CACNA1B: variants seen among roughly 807,000 people sequenced by gnomAD.
The protein encoded by CACNA1B is calcium voltage-gated channel subunit alpha1 B, also known as voltage-dependent N-type calcium channel subunit alpha-1B.
A neutral mutation model predicts 247.2 loss-of-function variants in CACNA1B; 70 were observed. The observed-to-expected ratio is 0.28, with a 90% CI of 0.23 to 0.35. The LOEUF is 0.35. Ranked by LOEUF, CACNA1B falls within the 10% of genes least tolerant of loss-of-function variation. The pLI is 1.00. For missense variants in CACNA1B, 2,367 were observed against 3,197.4 expected, an observed-to-expected ratio of 0.74 and a Z score of 6.26; for synonymous variants, 1,231 against 1,294.4, an observed-to-expected ratio of 0.95 and a Z score of 1.05.
intron 43 of CACNA1B, 96 bp from the exon 44 acceptor site, chr9:138,118,541 CTGAGATGGATTTGGG>C: frequency 1.6e-6 from 1 of 613,872 alleles, no homozygotes; most frequent in Non-Finnish European, 2.9e-6. Flanking sequence ...TTAGGTGAGA[CTGAGATGGATTTGGG>C]TGAGACCCCA....
chr9:138,071,978 A>G lies in CACNA1B; in HGVS notation c.4675-1510A>G, dbSNP rs546114227. Among the ~76,000 whole-genome samples, 11 of 152,072 alleles carry G rather than the reference A, an allele frequency of 7.2e-5. No homozygotes were observed. In the East Asian group the frequency reaches 2.1e-3, roughly 29 times the overall value. On this transcript the variant is annotated intron_variant, in intron 32 of 46. Transcript: ENST00000371372. Reference sequence around the variant, plus strand: ...CCTCCACCCCTGCACCCATGTTTCTAAGATGGCTGGCTTCTCTGTGGGTCC... The same window carrying G: ...CCTCCACCCCTGCACCCATGTTTCTGAGATGGCTGGCTTCTCTGTGGGTCC...
At chr9:138,043,723 T>C (rs376861631) in intron 20 of CACNA1B, 51 bp from the exon 21 acceptor site, 2 of 1,607,902 alleles carry the variant, frequency 1.2e-6, no homozygotes, top group African/African-American at 2.7e-5. Flanking sequence ...CCACGCAACG[T>C]GGGCTTCATG....
chr9:137,954,736 T>C lies in CACNA1B; in HGVS notation c.1071-962T>C, dbSNP rs1957923723. The stretch of plus-strand genomic sequence containing the variant: ...CACTGCCTGGGCTGTAGCAGCTCAG[T>C]GCCTAGCGGACACTGGCCCTGCGCC... On this transcript the variant is annotated intron_variant, in intron 7 of 46. Coordinates refer to ENST00000371372, the MANE Select transcript of CACNA1B (RefSeq NM_000718.4). This position sits in a 1 kb window ranked among gnomAD's most constrained non-coding sequence, Gnocchi z 4.1. Among the ~76,000 whole-genome samples the C allele has an allele frequency of 6.6e-6, 1 of 151,898 alleles. No homozygotes were observed. The highest frequency in any genetic ancestry group is 6.6e-5 in the Admixed American group (1 of 15,264).
At chr9:137,984,326 T>A (rs1029267571) in intron 13 of CACNA1B, 76 bp downstream of exon 13, 10 of 1,003,182 alleles carry the variant, frequency 1.0e-5, no homozygotes, top group African/African-American at 1.6e-5. Context: ...AGGGTGCTTG[T>A]CCCCAGGAGT....
At chr9:138,053,759 C>G in intron 25 of CACNA1B, 87 bp from the exon 26 acceptor site, 1 of 959,966 alleles carries the variant, frequency 1.0e-6, no homozygotes, top group Admixed American at 1.8e-5. Flanking sequence ...CTCCACCCCT[C>G]CCCGTGACCC....
At chr9:138,060,814 G>T (rs962971587) in intron 31 of CACNA1B, among the ~76,000 whole-genome samples, 1 of 152,214 alleles carries the variant, frequency 6.6e-6, no homozygotes, top group East Asian at 1.9e-4. Flanking sequence ...GGGAGACAGA[G>T]CGGAGCTCCG....
At position 137,955,717 on chromosome 9, in the gene CACNA1B, G is replaced by A; in HGVS notation, c.1090G>A (p.Glu364Lys). The change falls in exon 8 of 47, where the codon GAG becomes AAG. Residue 364 changes from glutamate (E) to lysine (K), a missense_variant. This residue lies in a region of CACNA1B where 219 missense variants were observed against 297.6 expected (regional missense o/e 0.74). Transcript: ENST00000371372. This position sits in a 1 kb window ranked among gnomAD's most constrained non-coding sequence, Gnocchi z 6.9. Reference protein sequence around the residue: ...VLSGEFAKERERVENRRAFLK... With the variant: ...VLSGEFAKERKRVENRRAFLK... ...TGGTAGGGAGTTTGCCAAGGAGCGA[G>A]AGAGGGTGGAGAACCGCCGCGCCTT... is the stretch of plus-strand genomic sequence containing the variant. 1 of 1,612,610 alleles carries A rather than the reference G, an allele frequency of 6.2e-7. No homozygotes were observed. The highest frequency in any genetic ancestry group is 1.1e-5 in the South Asian group (1 of 90,724).
chr9:137,896,931 A>G (rs534219722), intron 3 of CACNA1B, among the ~76,000 whole-genome samples: 3 of 152,180 alleles, frequency 2.0e-5, no homozygotes, highest in Admixed American at 6.5e-5. Flanking sequence ...GTGTTCCCTC[A>G]TTGTCCTTTT....
intron 6 of CACNA1B, among the ~76,000 whole-genome samples, chr9:137,924,599 T>G (rs550091028): frequency 6.8e-4 from 104 of 152,336 alleles, no homozygotes; most frequent in Admixed American, 1.5e-3. Context: ...ACTGATTCTT[T>G]CCATGTTATT....
chr9:137,955,681 C>T lies in CACNA1B; in HGVS notation c.1071-17C>T, dbSNP rs1370660712. 1.0e-5 allele frequency: 16 copies of T among 1,574,146 alleles called. No homozygotes were observed. In the East Asian group the frequency reaches 1.6e-4, roughly 16 times the overall value. On this transcript the variant is annotated splice_polypyrimidine_tract_variant and intron_variant, in intron 7 of 46. Transcript: ENST00000371372. The surrounding 1 kb of genome is among the most constrained non-coding windows in gnomAD (Gnocchi z 6.9). ...TTGCACTCACCTGATCTTGCTTTTCCGGCCCCTGCATGGTAGGGAGTTTGC... is the reference window on the plus strand; with the variant it reads ...TTGCACTCACCTGATCTTGCTTTTCTGGCCCCTGCATGGTAGGGAGTTTGC...
chr9:137,961,907 G>A (rs1353584954), intron 10 of CACNA1B, among the ~76,000 whole-genome samples: 1 of 152,170 alleles, frequency 6.6e-6, no homozygotes, highest in Non-Finnish European at 1.5e-5. Context: ...ATGAGTTAGG[G>A]AGGAGTCCTT....
At chr9:138,028,886 G>A (rs1958953683) in intron 20 of CACNA1B, among the ~76,000 whole-genome samples, 1 of 152,124 alleles carries the variant, frequency 6.6e-6, no homozygotes, top group Non-Finnish European at 1.5e-5. Context: ...GAGTTAAAAA[G>A]GTGTGGGTTT....
At chr9:137,969,198 C>A (rs1202546731) in intron 10 of CACNA1B, among the ~76,000 whole-genome samples, 1 of 152,234 alleles carries the variant, frequency 6.6e-6, no homozygotes, top group African/African-American at 2.4e-5. Flanking sequence ...GCGTCTGGAT[C>A]AGGAGTCCCT....
In CACNA1B at chr9:138,117,954, A is replaced by G; in HGVS notation, c.5786A>G (p.Gln1929Arg). The change falls in exon 43 of 47, where the codon CAA (glutamine) becomes CGA (arginine). Residue 1929 changes from glutamine (Q) to arginine (R), a missense_variant. Gln to Arg is a conservative substitution (Grantham distance 43). This residue lies in a region of CACNA1B where 773 missense variants were observed against 779.4 expected (regional missense o/e 0.99). Transcript: ENST00000371372. ...TGTCTTCTCTGCCACAGACAAAACC[A>G]AGAGAGTGGCATCAAAGAGTCTGTC... ...SLSNGGAIQN[Q>R]ESGIKESVSW... is the part of the protein sequence containing the mutation. The G allele has an allele frequency of 3.8e-6, 6 of 1,583,004 alleles. No homozygotes were observed. Among genetic ancestry groups the G allele is most frequent in the Non-Finnish European group, 4.3e-6 (5 of 1,160,740 alleles).
At position 138,121,348 on chromosome 9, in the gene CACNA1B, C is replaced by G; in HGVS notation, c.6490-121C>G. 1 of 728,484 alleles carries G rather than the reference C, an allele frequency of 1.4e-6. No individual in the cohort carries two copies. Among genetic ancestry groups the G allele is most frequent in the South Asian group, 2.1e-5 (1 of 47,814 alleles). 45.1% of individuals were successfully genotyped at this position (728,484 alleles called of 1,614,324 possible). On this transcript the variant is annotated intron_variant, in intron 46 of 46. Coordinates refer to ENST00000371372, the MANE Select transcript of CACNA1B (RefSeq NM_000718.4). This position sits in a 1 kb window ranked among gnomAD's most constrained non-coding sequence, Gnocchi z 6.8. ...CCTGGTCACCGCAGCCCGTTGTCCC[C>G]CATTGCCTCCCTCTCTCCTCCCATC...
intron 20 of CACNA1B, among the ~76,000 whole-genome samples, chr9:138,039,035 A>G (rs529174027): frequency 9.2e-5 from 14 of 151,998 alleles, no homozygotes; most frequent in African/African-American, 3.4e-4. Flanking sequence ...GAAAAAAAAA[A>G]GTGTATAAAA....
chr9:137,978,742 A>C (rs1001130193), intron 12 of CACNA1B, among the ~76,000 whole-genome samples: 1 of 152,184 alleles, frequency 6.6e-6, no homozygotes, highest in Admixed American at 6.5e-5. Flanking sequence ...AAGGACTCTC[A>C]TTTTACTGAT....
chr9:138,118,502 G>T, intron 43 of CACNA1B, 150 bp from the exon 44 acceptor site: 1 of 574,682 alleles, frequency 1.7e-6, no homozygotes. Flanking sequence ...GTGAGACTGG[G>T]GTGGGGGACG....
intron 3 of CACNA1B, among the ~76,000 whole-genome samples, chr9:137,910,235 A>G (rs1957345263): frequency 6.6e-6 from 1 of 152,014 alleles, no homozygotes; most frequent in South Asian, 2.1e-4. Context: ...TTTAAAATTG[A>G]GTTGTTTTTA....
Sources: allele counts gnomAD v4.1 joint callset (sites outside exome capture counted in the v4.1 genomes callset), GRCh38; gene constraint gnomAD v4.1.1; regional missense constraint gnomAD v4.1.1; non-coding constraint Gnocchi (gnomAD v3.1); transcripts MANE v1.5; gene names NCBI Gene and HGNC (gene_info 2026-07-23, HGNC 2026-07-21).